Variants in CCDC91 observed in about 807,000 individuals in gnomAD.
The protein encoded by CCDC91 is coiled-coil domain-containing protein 91.
CCDC91 carries 48 observed loss-of-function variants against 63.2 expected under a neutral mutation model. The observed-to-expected ratio is 0.76, with a 90% CI of 0.60 to 0.97. The LOEUF (loss-of-function observed/expected upper bound fraction) is 0.97. CCDC91 is among the 50% of genes least tolerant of loss of function. The pLI, the probability that CCDC91 is intolerant of heterozygous loss-of-function variation, is 0.00. For missense variants in CCDC91, 500 were observed against 494.6 expected, an observed-to-expected ratio of 1.01 and a Z score of -0.10; for synonymous variants, 167 against 165.8, an observed-to-expected ratio of 1.01 and a Z score of -0.06.
chr12:28,418,066 T>G (rs962066751), intron 8 of CCDC91, among the ~76,000 whole-genome samples: 2 of 152,136 alleles, frequency 1.3e-5, no homozygotes, highest in Non-Finnish European at 2.9e-5. Flanking sequence ...TTTCCTTTTC[T>G]GGGTTAAATA....
chr12:28,266,101 C>T (rs1461331000), intron 3 of CCDC91, among the ~76,000 whole-genome samples: 4 of 151,978 alleles, frequency 2.6e-5, no homozygotes, highest in African/African-American at 9.7e-5. Context: ...AAAATGATAG[C>T]TTCTATAAAG....
At chr12:28,411,036 C>T (rs2139709245) in intron 8 of CCDC91, among the ~76,000 whole-genome samples, 1 of 151,760 alleles carries the variant, frequency 6.6e-6, no homozygotes, top group South Asian at 2.1e-4. Context: ...TTTGTGGTTG[C>T]TTTAGAGGGA....
intron 12 of CCDC91, among the ~76,000 whole-genome samples, chr12:28,523,248 C>T (rs1940913072): frequency 6.6e-6 from 1 of 152,120 alleles, no homozygotes; most frequent in Non-Finnish European, 1.5e-5. Context: ...CTTTATGAAT[C>T]TGGGTGCTCC....
At chr12:28,265,934 G>T (rs960754620) in intron 3 of CCDC91, among the ~76,000 whole-genome samples, 1 of 151,996 alleles carries the variant, frequency 6.6e-6, no homozygotes, top group African/African-American at 2.4e-5. Flanking sequence ...CCAGATTTCT[G>T]TTGAAGTCTA....
intron 8 of CCDC91, among the ~76,000 whole-genome samples, chr12:28,428,337 G>A (rs775036495): frequency 3.3e-5 from 5 of 151,872 alleles, no homozygotes; most frequent in East Asian, 1.9e-4. Context: ...TTGGGAGGCC[G>A]AGGCGGGCAG....
chr12:28,257,218 GGAT>G lies in CCDC91; in HGVS notation c.13_15del (p.Asp5del), dbSNP rs1946515040. 6.2e-7 allele frequency: 1 copy of G among 1,609,674 alleles called. No homozygotes were observed. Among genetic ancestry groups the G allele is most frequent in the Non-Finnish European group, 8.5e-7 (1 of 1,176,412 alleles). On this transcript the variant is annotated inframe_deletion, in exon 2 of 13. Coordinates refer to ENST00000536442, the MANE Select transcript of CCDC91 (RefSeq NM_018318.5). ...ATTTTTCAGGTGCCACTTGAAGAATGGATGATGATGATTTTGGTGGTTTTGAGG... is the reference window on the plus strand; with the variant it reads ...ATTTTTCAGGTGCCACTTGAAGAATGGATGATGATTTTGGTGGTTTTGAGG...
intron 12 of CCDC91, among the ~76,000 whole-genome samples, chr12:28,539,991 T>G (rs1457874960): frequency 6.6e-6 from 1 of 152,144 alleles, no homozygotes; most frequent in Non-Finnish European, 1.5e-5. Context: ...TGGTTTAATT[T>G]TGAATACCAG....
At chr12:28,463,182 A>ATAT (rs1386175042) in intron 11 of CCDC91, among the ~76,000 whole-genome samples, 1 of 152,190 alleles carries the variant, frequency 6.6e-6, no homozygotes, top group Admixed American at 6.5e-5. Context: ...ATCGAGTGAA[A>ATAT]TATTACAAAG....
intron 1 of CCDC91, among the ~76,000 whole-genome samples, chr12:28,210,543 G>T (rs1040886404): frequency 9.9e-5 from 15 of 152,082 alleles, no homozygotes; most frequent in Admixed American, 6.5e-4. Flanking sequence ...GGAAGAACAG[G>T]GCCAGGAAAG....
chr12:28,263,807 G>A (rs2136241603), intron 3 of CCDC91, among the ~76,000 whole-genome samples: 1 of 152,074 alleles, frequency 6.6e-6, no homozygotes, highest in Non-Finnish European at 1.5e-5. Flanking sequence ...TAAACAATGT[G>A]TAGTAATTAT....
At chr12:28,237,610 A>G (rs1419453761) in intron 1 of CCDC91, among the ~76,000 whole-genome samples, 2 of 152,174 alleles carry the variant, frequency 1.3e-5, no homozygotes, top group African/African-American at 2.4e-5. Flanking sequence ...CAGGCAGGGC[A>G]TGGATTCTCC....
At chr12:28,492,884 G>A (rs557046665) in intron 12 of CCDC91, among the ~76,000 whole-genome samples, 1 of 151,750 alleles carries the variant, frequency 6.6e-6, no homozygotes, top group Non-Finnish European at 1.5e-5. Flanking sequence ...TTTCAAAGAT[G>A]TGAACTTGTT....
At chr12:28,541,216 C>T (rs946291539) in intron 12 of CCDC91, among the ~76,000 whole-genome samples, 1 of 152,098 alleles carries the variant, frequency 6.6e-6, no homozygotes, top group African/African-American at 2.4e-5. Flanking sequence ...GCAAGTACTA[C>T]CAATCAACAA....
chr12:28,411,590 T>C (rs531220532), intron 8 of CCDC91, among the ~76,000 whole-genome samples: 1 of 152,328 alleles, frequency 6.6e-6, no homozygotes, highest in East Asian at 1.9e-4. Flanking sequence ...GAATTTACTA[T>C]GTTTTTACTC....
chr12:28,475,486 G>T (rs968735996), intron 11 of CCDC91, among the ~76,000 whole-genome samples: 1 of 152,080 alleles, frequency 6.6e-6, no homozygotes, highest in African/African-American at 2.4e-5. Context: ...GAGATTTATT[G>T]ATAGAGTTTA....
At chr12:28,280,689 T>C (rs1040778282) in intron 3 of CCDC91, among the ~76,000 whole-genome samples, 4 of 152,032 alleles carry the variant, frequency 2.6e-5, no homozygotes, top group African/African-American at 9.7e-5. Flanking sequence ...TATTGAGATA[T>C]ACTGTGCAGC....
At chr12:28,500,162 C>G (rs553060982) in intron 12 of CCDC91, among the ~76,000 whole-genome samples, 1 of 149,908 alleles carries the variant, frequency 6.7e-6, no homozygotes, top group African/African-American at 2.5e-5. Flanking sequence ...AGTGTCTGTT[C>G]GTATCCTTCG....
chr12:28,275,221 A>T (rs1354160072), intron 3 of CCDC91, among the ~76,000 whole-genome samples: 1 of 152,112 alleles, frequency 6.6e-6, no homozygotes, highest in Non-Finnish European at 1.5e-5. Flanking sequence ...ATAGACCTCT[A>T]GCAAGACTAA....
chr12:28,200,995 C>CG (rs529817220), intron 1 of CCDC91, among the ~76,000 whole-genome samples: 1 of 127,008 alleles, frequency 7.9e-6, no homozygotes, highest in Admixed American at 7.3e-5. Context: ...GCTGGCCGGG[C>CG]GGGGGGCTGA....
Sources: gnomAD v4.1 joint callset for allele counts (sites outside exome capture counted in the v4.1 genomes callset) on GRCh38, gnomAD v4.1.1 for gene constraint, MANE v1.5 for transcripts, NCBI Gene and HGNC (gene_info 2026-07-23, HGNC 2026-07-21) for gene names.